The following STK32B variants were observed in gnomAD, a reference collection of about 807,000 sequenced individuals.
STK32B encodes serine/threonine-protein kinase 32B.
In STK32B, 43 loss-of-function variants were observed where a neutral mutation model predicts 52.6. The ratio of observed to expected loss-of-function variants is 0.82; its 90% CI spans 0.64 to 1.05. STK32B has a LOEUF of 1.05. STK32B is among the 50% of genes least tolerant of loss of function. The pLI, the probability that STK32B is intolerant of heterozygous loss-of-function variation, is 0.00. For missense variants in STK32B, 621 were observed against 534.6 expected, an observed-to-expected ratio of 1.16 and a Z score of -1.59; for synonymous variants, 238 against 204.3, an observed-to-expected ratio of 1.17 and a Z score of -1.41.
intron 3 of STK32B, among the ~76,000 whole-genome samples, chr4:5,197,350 T>C (rs1416990381): frequency 2.6e-5 from 4 of 152,212 alleles, no homozygotes; most frequent in African/African-American, 9.7e-5. Flanking sequence ...CATGACTTGG[T>C]TGACTGATGG....
chr4:5,205,765 G>A (rs911536282), intron 3 of STK32B, among the ~76,000 whole-genome samples: 1 of 151,852 alleles, frequency 6.6e-6, no homozygotes, highest in Admixed American at 6.6e-5. Context: ...GTAAGCCTGG[G>A]ATTGGGCAAT....
At chr4:5,047,633 A>G (rs1741644383), upstream of STK32B, among the ~76,000 whole-genome samples, 1 of 152,184 alleles carries the variant, frequency 6.6e-6, no homozygotes, top group Admixed American at 6.5e-5. Flanking sequence ...AGTGCTGAGC[A>G]AGACCCTGGG....
At chr4:5,264,053 C>A (rs1226199900) in intron 3 of STK32B, among the ~76,000 whole-genome samples, 1 of 152,166 alleles carries the variant, frequency 6.6e-6, no homozygotes, top group Non-Finnish European at 1.5e-5. Context: ...TTTGATAATT[C>A]ATTCTTCGAT....
intron 4 of STK32B, among the ~76,000 whole-genome samples, chr4:5,391,342 C>T (rs1209162607): frequency 6.6e-6 from 1 of 152,152 alleles, no homozygotes; most frequent in African/African-American, 2.4e-5. Context: ...AACTTAGATG[C>T]AAGACAGAAC....
chr4:5,307,123 G>T (rs755765870), intron 3 of STK32B, among the ~76,000 whole-genome samples: 1 of 152,106 alleles, frequency 6.6e-6, no homozygotes. Flanking sequence ...CCTAGGTGAT[G>T]ATCTTTTTGT....
intron 11 of STK32B, among the ~76,000 whole-genome samples, chr4:5,495,499 A>T (rs984286071): frequency 2.6e-5 from 4 of 152,096 alleles, no homozygotes; most frequent in Non-Finnish European, 5.9e-5. Context: ...CAAAGTTTTC[A>T]ACTTCTTTGC....
intron 2 of STK32B, among the ~76,000 whole-genome samples, chr4:5,148,415 C>T (rs1473459739): frequency 6.6e-6 from 1 of 151,600 alleles, no homozygotes; most frequent in Admixed American, 6.6e-5. Flanking sequence ...AAGTTACACC[C>T]CCAAAATTTG....
rs56259884 is a variant in STK32B, at chr4:5,466,722, A to G, written c.929A>G (p.Asp310Gly). The change falls in exon 10 of 12, where the codon GAT becomes GGT. Residue 310 changes from aspartate (D) to glycine (G), a missense_variant. Physicochemically the swap from Asp to Gly is moderately conservative, Grantham distance 94. Coordinates refer to ENST00000282908, the MANE Select transcript of STK32B (RefSeq NM_018401.3). ...FVPNKGRLNC[D>G]PTFELEEMIL... ...CTTTAGAAAGGGAGGTTGAACTGCG[A>G]TCCCACATTTGAGCTTGAAGAGATG... 8.7e-6 allele frequency: 14 copies of G among 1,613,688 alleles called. No homozygotes were observed. Among genetic ancestry groups the G allele is most frequent in the Non-Finnish European group, 1.2e-5 (14 of 1,179,844 alleles).
In STK32B at chr4:5,316,998, A is replaced by C. The variant is rs1399893692; in HGVS notation, c.261-14222A>C. Among the ~76,000 whole-genome samples the C allele has an allele frequency of 7.0e-4, 16 of 22,796 alleles. 1 individual carries two copies. In the East Asian group the frequency reaches 0.01, roughly 15 times the overall value. 15.0% of individuals were successfully genotyped at this position (22,796 alleles called of 152,430 possible). A position where few individuals can be genotyped will look rare whatever the true frequency, so the allele number is the denominator to read the frequency against. On this transcript the variant is annotated intron_variant, in intron 3 of 11. Coordinates refer to ENST00000282908, the MANE Select transcript of STK32B (RefSeq NM_018401.3). ...ATATAATATATAATATATATGATAT[A>C]ATATATAATATATATAATATATAAT... is the stretch of plus-strand genomic sequence containing the variant.
At chr4:5,250,512 C>T (rs1725851114) in intron 3 of STK32B, among the ~76,000 whole-genome samples, 1 of 151,948 alleles carries the variant, frequency 6.6e-6, no homozygotes, top group Non-Finnish European at 1.5e-5. Context: ...GAGGTTTCGC[C>T]ATATTGGCCA....
At chr4:5,464,529 C>A (rs1717286517) in intron 9 of STK32B, among the ~76,000 whole-genome samples, 1 of 152,192 alleles carries the variant, frequency 6.6e-6, no homozygotes, top group Non-Finnish European at 1.5e-5. Context: ...TGAGCCAGAC[C>A]CCAGAACAAT....
At chr4:5,409,737 G>T (rs938228601) in intron 5 of STK32B, among the ~76,000 whole-genome samples, 2 of 152,054 alleles carry the variant, frequency 1.3e-5, no homozygotes, top group African/African-American at 2.4e-5. Context: ...CAGAAATGTT[G>T]CATTTCTTGT....
chr4:5,462,386 C>CTG (rs932066506), intron 9 of STK32B, among the ~76,000 whole-genome samples: 2 of 147,970 alleles, frequency 1.4e-5, no homozygotes, highest in African/African-American at 2.4e-5. Context: ...GCCTGTGCAT[C>CTG]TGTGTGTGTG....
chr4:5,411,821 G>A (rs933942951), intron 5 of STK32B, among the ~76,000 whole-genome samples: 4 of 152,038 alleles, frequency 2.6e-5, no homozygotes, highest in Non-Finnish European at 4.4e-5. Flanking sequence ...GGAAAGAAAT[G>A]GCTGTTGTTT....
At chr4:5,278,173 A>G (rs1415310932) in intron 3 of STK32B, among the ~76,000 whole-genome samples, 1 of 152,222 alleles carries the variant, frequency 6.6e-6, no homozygotes, top group Non-Finnish European at 1.5e-5. Flanking sequence ...TATGACATGA[A>G]GAGCCTCTCA....
At chr4:5,455,653 C>T (rs530669740) in intron 7 of STK32B, among the ~76,000 whole-genome samples, 106 of 152,214 alleles carry the variant, frequency 7.0e-4, no homozygotes, top group African/African-American at 2.3e-3. Flanking sequence ...CCCAGTATGG[C>T]GTCTGACTCA....
intron 3 of STK32B, among the ~76,000 whole-genome samples, chr4:5,292,407 G>GT (rs1040310765): frequency 3.3e-5 from 5 of 152,040 alleles, no homozygotes; most frequent in Non-Finnish European, 7.4e-5. Flanking sequence ...ACATTGAGCA[G>GT]TTTTTTCATG....
chr4:5,491,982 C>A (rs536911552), intron 11 of STK32B, among the ~76,000 whole-genome samples: 13 of 152,064 alleles, frequency 8.5e-5, no homozygotes, highest in Non-Finnish European at 1.8e-4. Flanking sequence ...GTTACTGTAG[C>A]CTTGTAGTAT....
the STK32B span, among the ~76,000 whole-genome samples, chr4:5,024,978 T>C: frequency 6.6e-6 from 1 of 152,194 alleles, no homozygotes; most frequent in African/African-American, 2.4e-5. Flanking sequence ...GGAGTTGCTG[T>C]AAAATGCTCA....
Sources: gnomAD v4.1 joint callset for allele counts (sites outside exome capture counted in the v4.1 genomes callset) on GRCh38, gnomAD v4.1.1 for gene constraint, MANE v1.5 for transcripts, NCBI Gene and HGNC (gene_info 2026-07-23, HGNC 2026-07-21) for gene names.